The following ABCC4 variants were observed in gnomAD, a reference collection of about 807,000 sequenced individuals.
ABCC4 encodes the protein ATP binding cassette subfamily C member 4 (PEL blood group), also known as ATP-binding cassette sub-family C member 4.
Under a neutral mutation model 168.5 loss-of-function variants are expected in ABCC4, and 102 were observed. That is an observed-to-expected ratio of 0.61 (90% CI 0.52 to 0.71). ABCC4 has a LOEUF of 0.71. ABCC4 is among the 30% of genes least tolerant of loss of function. The pLI is 0.00. For synonymous variants in ABCC4, 617 were observed against 590.7 expected, an observed-to-expected ratio of 1.04 and a Z score of -0.65; for missense variants, 1,402 against 1,605.8, an observed-to-expected ratio of 0.87 and a Z score of 2.17.
chr13:95,182,303 T>C lies in ABCC4; in HGVS notation c.1546-4212A>G, dbSNP rs187644755. 5.0e-3 allele frequency among the ~76,000 whole-genome samples: 754 copies of C among 151,354 alleles called. 8 individuals carry two copies. Among genetic ancestry groups the C allele is most frequent in the African/African-American group, 0.018 (725 of 41,098 alleles). Reference sequence around the variant, plus strand: ...AAGGGGTTTGTAGAGTCAAGTGAGCTATATAGAAAAACATTAAACTCCAAT... The same window carrying C: ...AAGGGGTTTGTAGAGTCAAGTGAGCCATATAGAAAAACATTAAACTCCAAT... On this transcript the variant is annotated intron_variant, in intron 11 of 30. Coordinates refer to ENST00000645237, the MANE Select transcript of ABCC4 (RefSeq NM_005845.5).
chr13:95,085,519 CT>C (rs1162757309), intron 20 of ABCC4, among the ~76,000 whole-genome samples: 1 of 152,160 alleles, frequency 6.6e-6, no homozygotes, highest in East Asian at 1.9e-4. Context: ...CTAAGGAAGA[CT>C]TACAACTGAT....
intron 16 of ABCC4, 46 bp downstream of exon 16, chr13:95,164,332 A>G (rs750958617): frequency 2.5e-6 from 4 of 1,607,416 alleles, no homozygotes; most frequent in Non-Finnish European, 2.6e-6. Context: ...AAACATAGGT[A>G]CTGTAAATAT....
At chr13:95,104,918 G>A (rs564104770) in intron 20 of ABCC4, among the ~76,000 whole-genome samples, 28 of 152,280 alleles carry the variant, frequency 1.8e-4, no homozygotes, top group Admixed American at 7.8e-4. Context: ...GACTGGTTTC[G>A]CGGAGGACAA....
At chr13:95,274,263 T>C (rs1007759738) in intron 1 of ABCC4, among the ~76,000 whole-genome samples, 1 of 152,162 alleles carries the variant, frequency 6.6e-6, no homozygotes, top group Non-Finnish European at 1.5e-5. Flanking sequence ...ACTTTGTGCA[T>C]ACTATGATGT....
chr13:95,179,671 C>T (rs1253551652), intron 11 of ABCC4, among the ~76,000 whole-genome samples: 3 of 152,156 alleles, frequency 2.0e-5, no homozygotes, highest in Non-Finnish European at 4.4e-5. Context: ...GTGTGGAGAA[C>T]ATCGCTGGGT....
chr13:95,079,915 A>T (rs2034033198), intron 21 of ABCC4, among the ~76,000 whole-genome samples: 1 of 152,238 alleles, frequency 6.6e-6, no homozygotes, highest in African/African-American at 2.4e-5. Context: ...AGACTTGGGC[A>T]TGGACTCATA....
intron 19 of ABCC4, among the ~76,000 whole-genome samples, chr13:95,117,980 CT>C (rs1435527171): frequency 6.6e-6 from 1 of 152,104 alleles, no homozygotes; most frequent in East Asian, 1.9e-4. Context: ...AAAACCAACC[CT>C]TTATCTTGAC....
rs2038077122 is a variant in ABCC4 at position 95,186,772 on chromosome 13, T to C, written c.1474A>G (p.Asn492Asp). The change falls in exon 11 of 31, where the codon AAT becomes GAT. Residue 492 changes from asparagine to aspartate, a missense_variant. Transcript: ENST00000645237. ...TCGTATTTCTTCCCAAATAAAATAT[T>C]ACTCCTCAGAGTTCCCGAGAACACC... ...PWVFSGTLRS[N>D]ILFGKKYEKE... is the part of the protein sequence containing the mutation. The C allele has an allele frequency of 1.9e-6, 3 of 1,614,148 alleles. No individual in the cohort carries two copies. The highest frequency in any genetic ancestry group is 1.7e-5 in the Admixed American group (1 of 60,022).
At chr13:95,102,385 T>C (rs2034840494) in intron 20 of ABCC4, among the ~76,000 whole-genome samples, 1 of 150,900 alleles carries the variant, frequency 6.6e-6, no homozygotes, top group South Asian at 2.1e-4. Flanking sequence ...GGTTCAAGAG[T>C]TCTTTCCAGG....
chr13:95,273,787 C>T (rs1367488525), intron 1 of ABCC4, among the ~76,000 whole-genome samples: 5 of 146,414 alleles, frequency 3.4e-5, no homozygotes, highest in Non-Finnish European at 5.9e-5. Flanking sequence ...ATAAGTCTCA[C>T]GAGATCTGAT....
Position 95,293,401 on chromosome 13 carries a change from A to G in ABCC4, c.74+7840T>C, listed in dbSNP as rs1594456388. On this transcript the variant is annotated intron_variant, in intron 1 of 30. Coordinates refer to ENST00000645237, the MANE Select transcript of ABCC4 (RefSeq NM_005845.5). ...ATCCCCACCCTCACACAGCTTTTCC[A>G]TACTTCTACTCCAGCACACCCAACA... 5.9e-5 allele frequency among the ~76,000 whole-genome samples: 9 copies of G among 151,968 alleles called. No individual in the cohort carries two copies. In the South Asian group the frequency reaches 1.9e-3, roughly 32 times the overall value.
chr13:95,158,269 G>T (rs2036945476), intron 19 of ABCC4, among the ~76,000 whole-genome samples: 1 of 152,074 alleles, frequency 6.6e-6, no homozygotes, highest in African/African-American at 2.4e-5. Flanking sequence ...CACAGATGAG[G>T]ATCTGGGCAG....
intron 19 of ABCC4, among the ~76,000 whole-genome samples, chr13:95,124,194 A>G (rs2035671150): frequency 1.3e-5 from 2 of 152,170 alleles, no homozygotes; most frequent in African/African-American, 4.8e-5. Context: ...TGCAGTTTGG[A>G]GAGATGGACG....
chr13:95,123,421 A>G (rs2035644790), intron 19 of ABCC4, among the ~76,000 whole-genome samples: 1 of 152,152 alleles, frequency 6.6e-6, no homozygotes, highest in South Asian at 2.1e-4. Flanking sequence ...GAAGCACACT[A>G]GCACGATCTC....
At chr13:95,187,595 C>T (rs2038109681) in intron 10 of ABCC4, among the ~76,000 whole-genome samples, 1 of 152,024 alleles carries the variant, frequency 6.6e-6, no homozygotes, top group Non-Finnish European at 1.5e-5. Context: ...CAGAGCGAGA[C>T]CATGTCTCAA....
chr13:95,064,032 C>A (rs762917311), intron 25 of ABCC4, among the ~76,000 whole-genome samples: 3 of 152,068 alleles, frequency 2.0e-5, no homozygotes, highest in Admixed American at 6.6e-5. Flanking sequence ...TGACATATTA[C>A]CTCATTTGAA....
At chr13:95,122,371 C>T (rs1325174749) in intron 19 of ABCC4, among the ~76,000 whole-genome samples, 1 of 152,144 alleles carries the variant, frequency 6.6e-6, no homozygotes, top group African/African-American at 2.4e-5. Flanking sequence ...CTTCTCAAAC[C>T]CTACCTTAGA....
At position 95,139,906 on chromosome 13, in the gene ABCC4, C is replaced by T. The variant is rs543432362; in HGVS notation, c.2455+21283G>A. Among the ~76,000 whole-genome samples the T allele has an allele frequency of 1.3e-4, 20 of 152,306 alleles. No individual in the cohort carries two copies. In the South Asian group the frequency reaches 1.5e-3, roughly 11 times the overall value. On this transcript the variant is annotated intron_variant, in intron 19 of 30. Coordinates refer to ENST00000645237, the MANE Select transcript of ABCC4 (RefSeq NM_005845.5). Reference sequence around the variant, plus strand: ...ATAATTGCCAGAACATCCCTTGGCACGAAGCTGGCAACCATGCAGATGGAA... The same window carrying T: ...ATAATTGCCAGAACATCCCTTGGCATGAAGCTGGCAACCATGCAGATGGAA...
At chr13:95,168,348 C>A (rs957478115) in intron 14 of ABCC4, among the ~76,000 whole-genome samples, 2 of 152,182 alleles carry the variant, frequency 1.3e-5, no homozygotes, top group Non-Finnish European at 2.9e-5. Flanking sequence ...GCACACGGAA[C>A]CACTTCTGAA....
Sources: allele counts gnomAD v4.1 joint callset (sites outside exome capture counted in the v4.1 genomes callset), GRCh38; gene constraint gnomAD v4.1.1; transcripts MANE v1.5; gene names NCBI Gene and HGNC (gene_info 2026-07-23, HGNC 2026-07-21).